The following AGXT2 variants were observed in gnomAD, a reference collection of about 807,000 sequenced individuals.
The protein encoded by AGXT2 is alanine--glyoxylate aminotransferase 2, mitochondrial.
A neutral mutation model predicts 62.5 loss-of-function variants in AGXT2; 61 were observed. The observed-to-expected ratio is 0.98, with a 90% CI of 0.79 to 1.21. The LOEUF (loss-of-function observed/expected upper bound fraction) is 1.21. Ranked by LOEUF, AGXT2 falls within the 50% of genes most tolerant of loss-of-function variation. AGXT2 has a pLI of 0.00. For synonymous variants in AGXT2, 243 were observed against 218.7 expected (o/e 1.11, Z -0.98); for missense variants, 666 against 641.5 (o/e 1.04, Z -0.41).
chr5:35,026,620 TAA>T (rs1767363900), intron 7 of AGXT2, 110 bp from the exon 8 acceptor site: 1 of 1,088,838 alleles, frequency 9.2e-7, no homozygotes, highest in South Asian at 1.4e-5. Flanking sequence ...CCAGACAGGG[TAA>T]GTTAATCAGG....
intron 7 of AGXT2, among the ~76,000 whole-genome samples, chr5:35,032,171 C>T (rs1018493378): frequency 1.3e-5 from 2 of 151,900 alleles, no homozygotes; most frequent in East Asian, 1.9e-4. Context: ...CAGCTGGTCT[C>T]AAACTCCCGA....
rs545694839 is a variant in AGXT2 at position 35,031,296 on chromosome 5, C to T, written c.769+1436G>A. On this transcript the variant is annotated intron_variant, in intron 7 of 13. Coordinates refer to ENST00000231420, the MANE Select transcript of AGXT2 (RefSeq NM_031900.4). ...TTGATTTATAGCTTTACATTTCCTTCTGGTTTTAAATTCCATGAGCGTGAC... is the reference window on the plus strand; with the variant it reads ...TTGATTTATAGCTTTACATTTCCTTTTGGTTTTAAATTCCATGAGCGTGAC... 1.4e-4 allele frequency among the ~76,000 whole-genome samples: 21 copies of T among 152,308 alleles called. No individual in the cohort carries two copies. The South Asian group carries it at 4.4e-3, about 32-fold the overall frequency.
At chr5:35,009,764 A>C (rs924286891) in intron 12 of AGXT2, among the ~76,000 whole-genome samples, 10 of 152,134 alleles carry the variant, frequency 6.6e-5, no homozygotes, top group African/African-American at 2.4e-4. Flanking sequence ...CTAGGATGGC[A>C]AGGATAATGT....
intron 1 of AGXT2, among the ~76,000 whole-genome samples, chr5:35,044,351 C>T (rs1270140575): frequency 6.6e-6 from 1 of 152,234 alleles, no homozygotes; most frequent in East Asian, 1.9e-4. Flanking sequence ...TCTCTTCACA[C>T]ATGGGGCCGC....
intron 4 of AGXT2, among the ~76,000 whole-genome samples, chr5:35,036,618 C>G (rs1767776348): frequency 6.6e-6 from 1 of 152,178 alleles, no homozygotes; most frequent in African/African-American, 2.4e-5. Flanking sequence ...CATCAAGAGG[C>G]CTACGGCTCC....
chr5:35,005,673 G>GA (rs61000665), intron 12 of AGXT2, among the ~76,000 whole-genome samples: 43,424 of 150,056 alleles, frequency 0.29, 6,369 homozygotes, highest in Middle Eastern at 0.33. Context: ...CATCCTCAGG[G>GA]AAAAAAAGCA....
intron 4 of AGXT2, among the ~76,000 whole-genome samples, chr5:35,035,947 G>T (rs1361759238): frequency 2.6e-5 from 4 of 152,022 alleles, no homozygotes; most frequent in Non-Finnish European, 1.5e-5. Flanking sequence ...TGTGGTGGTG[G>T]GCACCTGTAA....
At position 34,998,650 on chromosome 5, in the gene AGXT2, C is replaced by CTTATG; in HGVS notation, c.*68_*69insCATAA. The CTTATG allele has an allele frequency of 7.6e-7, 1 of 1,317,632 alleles. No homozygotes were observed. Among genetic ancestry groups the CTTATG allele is most frequent in the South Asian group, 1.2e-5 (1 of 83,192 alleles). The allele number at this position is 1,317,632 out of a possible 1,614,324, so 81.6% of individuals were successfully genotyped here. ...TCTGGATACCAGTGGTTCTGAAATT[C>CTTATG]TTCAAATTCACCCTTGAACATACGT... On this transcript the variant is annotated 3_prime_UTR_variant, in exon 14 of 14. Transcript: ENST00000231420.
chr5:35,031,760 C>T (rs6887451), intron 7 of AGXT2, among the ~76,000 whole-genome samples: 3,374 of 152,174 alleles, frequency 0.022, 130 homozygotes, highest in African/African-American at 0.078. Flanking sequence ...TTTTGTTTGA[C>T]GGATGCTCTC....
chr5:35,029,003 A>G (rs762374892), intron 7 of AGXT2, among the ~76,000 whole-genome samples: 10 of 152,204 alleles, frequency 6.6e-5, no homozygotes, highest in Admixed American at 2.0e-4. Context: ...GGCCCCAAAC[A>G]TATTTTTAGA....
At chr5:35,019,516 T>C (rs547830834) in intron 9 of AGXT2, among the ~76,000 whole-genome samples, 1 of 152,118 alleles carries the variant, frequency 6.6e-6, no homozygotes, top group African/African-American at 2.4e-5. Flanking sequence ...AAGATGTTCT[T>C]TGAAACCATT....
intron 1 of AGXT2, among the ~76,000 whole-genome samples, chr5:35,046,569 A>G (rs1240956684): frequency 6.6e-6 from 1 of 152,152 alleles, no homozygotes; most frequent in Non-Finnish European, 1.5e-5. Context: ...TTGTCTCCTC[A>G]TTTGTGGAAT....
chr5:35,016,566 C>G (rs1369792104), intron 9 of AGXT2, among the ~76,000 whole-genome samples: 1 of 152,136 alleles, frequency 6.6e-6, no homozygotes, highest in Non-Finnish European at 1.5e-5. Flanking sequence ...TCAACCCCCT[C>G]CCTCTTCCCC....
In AGXT2 at chr5:35,010,042, T is replaced by G; in HGVS notation, c.1296A>C (p.Arg432=). 6.2e-7 allele frequency: 1 copy of G among 1,614,250 alleles called. No homozygotes were observed. Among genetic ancestry groups the G allele is most frequent in the African/African-American group, 1.3e-5 (1 of 75,068 alleles). The change falls in exon 12 of 14, where the codon CGA becomes CGC. Residue 432 remains arginine, a synonymous_variant. Transcript: ENST00000231420. ...CTATGCCTATCATGAGACCTTTGCC[T>G]CGGACGTCTCCAACAATTTCAAATT... The part of the protein sequence containing the change: ...RDEFEIVGDV[R]GKGLMIGIEM...
intron 2 of AGXT2, among the ~76,000 whole-genome samples, chr5:35,040,145 A>T (rs1283858890): frequency 6.6e-6 from 1 of 152,120 alleles, no homozygotes; most frequent in Non-Finnish European, 1.5e-5. Flanking sequence ...ATGCCAGCTG[A>T]ATTTTTATTA....
chr5:35,027,050 A>G lies in AGXT2; in HGVS notation c.770-540T>C, dbSNP rs936309937. 4.6e-5 allele frequency: 45 copies of G among 982,694 alleles called. No individual in the cohort carries two copies. In the African/African-American group the frequency reaches 7.9e-4, roughly 17 times the overall value. 60.9% of individuals were successfully genotyped at this position (982,694 alleles called of 1,614,324 possible). On this transcript the variant is annotated intron_variant, in intron 7 of 13. Coordinates refer to ENST00000231420, the MANE Select transcript of AGXT2 (RefSeq NM_031900.4). ...TTCGAGAGCTAGGTGGCTTCCATCC[A>G]TCGCAGCCCTTGGCACTTGGTCCTG...
Position 35,025,849 on chromosome 5 carries a change from T to A in AGXT2, c.877A>T (p.Asn293Tyr). The change falls in exon 9 of 14, where the codon AAT (asparagine) becomes TAT (tyrosine). Residue 293 changes from asparagine to tyrosine, a missense_variant. Physicochemically the swap from Asn to Tyr is moderately radical, Grantham distance 143. Transcript: ENST00000231420. ...CCCTTTGGGTACTGGACAACTCCAT[T>A]CACACCCTGCAAAAGACCAGACCAA... ...GFFAEPIQGVNGVVQYPKGFL... is the reference protein window; with the variant it reads ...GFFAEPIQGVYGVVQYPKGFL... 1 of 1,614,090 alleles carries A rather than the reference T, an allele frequency of 6.2e-7. No individual in the cohort carries two copies. The highest frequency in any genetic ancestry group is 8.5e-7 in the Non-Finnish European group (1 of 1,179,982).
chr5:35,011,003 C>G (rs1437463573), intron 11 of AGXT2, among the ~76,000 whole-genome samples: 1 of 152,200 alleles, frequency 6.6e-6, no homozygotes, highest in Non-Finnish European at 1.5e-5. Context: ...CTCAGTTTTA[C>G]TTACAGCAAA....
chr5:35,010,325 C>G (rs1011409807), intron 11 of AGXT2, among the ~76,000 whole-genome samples, 176 bp from the exon 12 acceptor site: 2 of 152,152 alleles, frequency 1.3e-5, no homozygotes, highest in African/African-American at 4.8e-5. Context: ...GAAGAAAAGT[C>G]TTAGGGGAGG....
Sources: allele counts gnomAD v4.1 joint callset (sites outside exome capture counted in the v4.1 genomes callset), GRCh38; gene constraint gnomAD v4.1.1; transcripts MANE v1.5; gene names NCBI Gene and HGNC (gene_info 2026-07-23, HGNC 2026-07-21).